The following MCOLN2 variants were observed in gnomAD, a reference collection of about 807,000 sequenced individuals.
MCOLN2 encodes the protein mucolipin-2.
MCOLN2 carries 57 observed loss-of-function variants against 67.5 expected under a neutral mutation model. The observed-to-expected ratio is 0.84, with a 90% CI of 0.68 to 1.05. The LOEUF (loss-of-function observed/expected upper bound fraction) is 1.05. MCOLN2 is among the 50% of genes least tolerant of loss of function. The pLI is 0.00. For missense variants in MCOLN2, 620 were observed against 678.8 expected (o/e 0.91, Z 0.96); for synonymous variants, 246 against 233.3 (o/e 1.05, Z -0.50).
intron 4 of MCOLN2, among the ~76,000 whole-genome samples, chr1:84,952,757 A>G (rs879026796): frequency 6.6e-6 from 1 of 152,254 alleles, no homozygotes; most frequent in South Asian, 2.1e-4. Context: ...CACAGTAATG[A>G]GATAAACAGA....
intron 3 of MCOLN2, 140 bp from the exon 4 acceptor site, chr1:84,956,724 T>G: frequency 1.5e-6 from 1 of 677,118 alleles, no homozygotes; most frequent in Non-Finnish European, 2.3e-6. Context: ...TTTAAAATAC[T>G]ACAAAGAAAT....
At chr1:84,926,945 T>C (rs1258603577) in intron 13 of MCOLN2, among the ~76,000 whole-genome samples, 3 of 152,060 alleles carry the variant, frequency 2.0e-5, no homozygotes, top group African/African-American at 7.2e-5. Context: ...TGTTTGAGGT[T>C]TGAGCAGATG....
At position 84,929,933 on chromosome 1, in the gene MCOLN2, T is replaced by A. The variant is rs610149; in HGVS notation, c.1543-254A>T. ...AGAAGAGCCAGGGAGAGGTTTTTTT[T>A]AAAAAAAAAAAAGGTAATGAAGGAA... On this transcript the variant is annotated intron_variant, in intron 12 of 13. Transcript: ENST00000370608. The A allele has an allele frequency of 0.49, 95,844 of 194,606 alleles. 23,222 individuals carry two copies. The highest frequency in any genetic ancestry group is 0.63 in the East Asian group (5,006 of 8,008). 12.1% of individuals were successfully genotyped at this position (194,606 alleles called of 1,614,324 possible).
At chr1:84,939,793 A>C (rs1647647996) in intron 8 of MCOLN2, 91 bp from the exon 9 acceptor site, 3 of 1,376,234 alleles carry the variant, frequency 2.2e-6, no homozygotes, top group Non-Finnish European at 3.0e-6. Context: ...TCACCTGTAA[A>C]AGGACATGGC....
intron 2 of MCOLN2, among the ~76,000 whole-genome samples, chr1:84,965,148 TTAGA>T (rs368436839): frequency 3.2e-4 from 48 of 152,354 alleles, no homozygotes; most frequent in African/African-American, 1.0e-3. Context: ...CAGTATTTAC[TTAGA>T]TAGAGCACAC....
chr1:84,996,844 T>C lies in MCOLN2; in HGVS notation c.29A>G (p.Gln10Arg), dbSNP rs1651181183. 2 of 1,613,982 alleles carry C rather than the reference T, an allele frequency of 1.2e-6. No individual in the cohort carries two copies. Among genetic ancestry groups the C allele is most frequent in the East Asian group, 2.2e-5 (1 of 44,876 alleles). The change falls in exon 1 of 14, where the codon CAG (glutamine) becomes CGG (arginine). Residue 10 changes from glutamine to arginine, a missense_variant. Coordinates refer to ENST00000370608, the MANE Select transcript of MCOLN2 (RefSeq NM_153259.4). MARQPYRFP[Q>R]ARIPERGSGV... ...TGATCCTCTCTCCGGAATCCTTGCC[T>C]GGGGAAAACGATAAGGCTGCCGGGC...
intron 2 of MCOLN2, among the ~76,000 whole-genome samples, chr1:84,963,355 C>T (rs1206388337): frequency 1.3e-5 from 2 of 152,152 alleles, no homozygotes; most frequent in Non-Finnish European, 2.9e-5. Context: ...ATATGAGATG[C>T]TTCACATTTA....
At chr1:84,982,758 A>G (rs990701934) in intron 1 of MCOLN2, among the ~76,000 whole-genome samples, 2 of 152,200 alleles carry the variant, frequency 1.3e-5, no homozygotes, top group Admixed American at 1.3e-4. Context: ...AATGGAGTAC[A>G]GTGGTGCGAT....
rs114885496 is a variant in MCOLN2, at chr1:84,943,939, T to A, written c.848-2948A>T. ...GTAAGAAAACAACTTAGCTCTATCA[T>A]AATGCAAGATTTTTTTTCCCCTTGG... On this transcript the variant is annotated intron_variant, in intron 7 of 13. Transcript: ENST00000370608. Among the ~76,000 whole-genome samples the A allele has an allele frequency of 8.1e-3, 1,230 of 152,228 alleles. 16 individuals are homozygous for A. The highest frequency in any genetic ancestry group is 0.028 in the African/African-American group (1,149 of 41,522).
At position 84,926,488 on chromosome 1, in the gene MCOLN2, C is replaced by T. The variant is rs548685141; in HGVS notation, c.*197G>A. 18 of 431,764 alleles carry T rather than the reference C, an allele frequency of 4.2e-5. No homozygotes were observed. In the South Asian group the frequency reaches 1.2e-3, roughly 28 times the overall value. 26.7% of individuals were successfully genotyped at this position (431,764 alleles called of 1,614,324 possible). A position where few individuals can be genotyped will look rare whatever the true frequency, so the allele number is the denominator to read the frequency against. On this transcript the variant is annotated 3_prime_UTR_variant, in exon 14 of 14. Coordinates refer to ENST00000370608, the MANE Select transcript of MCOLN2 (RefSeq NM_153259.4). ...CTAATGCCCAGTAGTAGCCCATGGT[C>T]TATTCTTTATCATTCAAGTTTATAA...
chr1:84,976,890 A>G (rs1343174518), intron 1 of MCOLN2, among the ~76,000 whole-genome samples: 4 of 152,228 alleles, frequency 2.6e-5, no homozygotes, highest in Non-Finnish European at 5.9e-5. Flanking sequence ...GCAATAAGTA[A>G]TCACCTGAAG....
At chr1:84,983,361 C>T (rs1650352994) in intron 1 of MCOLN2, among the ~76,000 whole-genome samples, 1 of 152,168 alleles carries the variant, frequency 6.6e-6, no homozygotes, top group Non-Finnish European at 1.5e-5. Flanking sequence ...CCTTAACATC[C>T]TGAGCTCAAG....
At chr1:84,965,473 G>T in intron 2 of MCOLN2, 76 bp downstream of exon 2, 5 of 1,482,918 alleles carry the variant, frequency 3.4e-6, no homozygotes, top group Non-Finnish European at 4.6e-6. Flanking sequence ...CAGAACAAAA[G>T]TCAAGTACAG....
At chr1:84,981,295 C>T (rs1650244548) in intron 1 of MCOLN2, among the ~76,000 whole-genome samples, 1 of 152,166 alleles carries the variant, frequency 6.6e-6, no homozygotes, top group African/African-American at 2.4e-5. Context: ...CTAGCAATCC[C>T]ACTGCTGGGT....
At chr1:84,966,985 C>T (rs1012876145) in intron 1 of MCOLN2, among the ~76,000 whole-genome samples, 42 of 152,148 alleles carry the variant, frequency 2.8e-4, no homozygotes, top group African/African-American at 9.9e-4. Context: ...AAAGAATATA[C>T]ATTATATAAC....
chr1:84,997,079 G>C lies in MCOLN2; in HGVS notation c.-207C>G. 1.7e-6 allele frequency: 1 copy of C among 587,322 alleles called. No individual in the cohort carries two copies. Among genetic ancestry groups the C allele is most frequent in the Non-Finnish European group, 3.0e-6 (1 of 332,006 alleles). 36.4% of individuals were successfully genotyped at this position (587,322 alleles called of 1,614,324 possible). ...GGCGCCGCAGTCGTGGAGTGCGGCG[G>C]GCAGTTCTCGGGCGGCTGAAAGGCG... is the stretch of plus-strand genomic sequence containing the variant. On this transcript the variant is annotated 5_prime_UTR_variant, in exon 1 of 14. Transcript: ENST00000370608.
intron 12 of MCOLN2, 98 bp from the exon 13 acceptor site, chr1:84,929,777 C>T (rs1661316727): frequency 3.4e-6 from 4 of 1,190,280 alleles, no homozygotes; most frequent in Non-Finnish European, 4.7e-6. Context: ...ATAAAACTCT[C>T]CCACATTGCT....
intron 7 of MCOLN2, among the ~76,000 whole-genome samples, chr1:84,945,674 T>C (rs17118022): frequency 0.042 from 6,459 of 152,284 alleles, 482 homozygotes; most frequent in African/African-American, 0.15. Context: ...AACATCATCC[T>C]AATTCTTTAC....
At chr1:84,960,763 A>G (rs1384593872) in intron 2 of MCOLN2, among the ~76,000 whole-genome samples, 2 of 152,254 alleles carry the variant, frequency 1.3e-5, no homozygotes. Context: ...TGATTGCTTC[A>G]AAGTTTTATT....
Sources: gnomAD v4.1 joint callset for allele counts (sites outside exome capture counted in the v4.1 genomes callset) on GRCh38, gnomAD v4.1.1 for gene constraint, MANE v1.5 for transcripts, NCBI Gene and HGNC (gene_info 2026-07-23, HGNC 2026-07-21) for gene names.